GABRG1: variants seen among roughly 807,000 people sequenced by gnomAD.
The protein encoded by GABRG1 is gamma-aminobutyric acid receptor subunit gamma-1.
In GABRG1, 49 loss-of-function variants were observed where a neutral mutation model predicts 49.8. That is an observed-to-expected ratio of 0.98 (90% confidence interval 0.78 to 1.25). The LOEUF (loss-of-function observed/expected upper bound fraction) is 1.25, where lower values mean the gene tolerates loss of function less well. Among genes scored for constraint, GABRG1 ranks in the 50% most tolerant of loss-of-function variants. The probability of loss-of-function intolerance (pLI) is 0.00; values close to 1 mark genes in which losing one functional copy is unlikely to be tolerated. For missense variants in GABRG1, 552 were observed against 552.3 expected (o/e 1.00, Z 0.01); for synonymous variants, 232 against 185.1 (o/e 1.25, Z -2.06).
intron 2 of GABRG1, among the ~76,000 whole-genome samples, chr4:46,096,675 T>A (rs1383830845): frequency 2.0e-5 from 3 of 149,226 alleles, no homozygotes; most frequent in African/African-American, 4.9e-5. Flanking sequence ...CCTAGCAAAA[T>A]AGAAGAGAAG....
Position 46,084,156 on chromosome 4 carries a change from C to A in GABRG1, c.254-103G>T, listed in dbSNP as rs535669934. 1.3e-5 allele frequency: 8 copies of A among 635,116 alleles called. No homozygotes were observed. The African/African-American group carries it at 1.5e-4, about 12-fold the overall frequency. 39.3% of individuals were successfully genotyped at this position (635,116 alleles called of 1,614,324 possible). On this transcript the variant is annotated intron_variant, in intron 2 of 8. Coordinates refer to ENST00000295452, the MANE Select transcript of GABRG1 (RefSeq NM_173536.4). ...CTTAATAACTACTTATATATTAACACTTCAATCATAAAACATCTTTTATTA... is the reference window on the plus strand; with the variant it reads ...CTTAATAACTACTTATATATTAACAATTCAATCATAAAACATCTTTTATTA...
At position 46,048,370 on chromosome 4, in the gene GABRG1, A is replaced by AGAAGGAAGGAAGGAAGGAAG. The variant is rs143416418; in HGVS notation, c.1131+3034_1131+3053dup. The stretch of plus-strand genomic sequence containing the variant: ...GAAAAATTTGGTCATAATGGAATAG[A>AGAAGGAAGGAAGGAAGGAAG]GAAGGAAGGAAGGAAGGAAGGAAGG... On this transcript the variant is annotated intron_variant, in intron 8 of 8. Transcript: ENST00000295452. Among the ~76,000 whole-genome samples the AGAAGGAAGGAAGGAAGGAAG allele has an allele frequency of 1.9e-3, 232 of 121,368 alleles. 4 individuals carry two copies. Among genetic ancestry groups the AGAAGGAAGGAAGGAAGGAAG allele is most frequent in the Admixed American group, 0.015 (166 of 11,312 alleles). 79.6% of individuals were successfully genotyped at this position (121,368 alleles called of 152,430 possible).
intron 5 of GABRG1, among the ~76,000 whole-genome samples, chr4:46,062,483 G>C (rs1343283210): frequency 6.6e-6 from 1 of 152,094 alleles, no homozygotes; most frequent in African/African-American, 2.4e-5. Flanking sequence ...CTAGTTTACT[G>C]TCCCACCAAC....
rs190528539 is a variant in GABRG1, at chr4:46,040,183, T to C, written c.*805A>G. The stretch of plus-strand genomic sequence containing the variant: ...TGCATTTAATTTGCATTAATGTGCA[T>C]TTGCAGATTTTAATATTTCAGTGTT... On this transcript the variant is annotated 3_prime_UTR_variant, in exon 9 of 9. Transcript: ENST00000295452. The C allele has an allele frequency of 1.2e-4, 18 of 152,012 alleles. No homozygotes were observed. In the East Asian group the frequency reaches 3.3e-3, roughly 28 times the overall value. 9.4% of individuals were successfully genotyped at this position (152,012 alleles called of 1,614,324 possible).
intron 3 of GABRG1, among the ~76,000 whole-genome samples, chr4:46,072,847 T>G (rs1413238328): frequency 6.6e-6 from 1 of 152,030 alleles, no homozygotes; most frequent in Non-Finnish European, 1.5e-5. Flanking sequence ...TTTACCTGTT[T>G]TTTAAACCTA....
rs533127485 is a variant in GABRG1 at position 46,097,092 on chromosome 4, T to C, written c.253+109A>G. 5.8e-5 allele frequency: 54 copies of C among 938,684 alleles called. No homozygotes were observed. In the African/African-American group the frequency reaches 7.2e-4, roughly 12 times the overall value. 58.1% of individuals were successfully genotyped at this position (938,684 alleles called of 1,614,324 possible). Reference sequence around the variant, plus strand: ...CCAATAATCTTCAAATTCAGCAGATTCTCTGACATACATCAGACACTCAAG... The same window carrying C: ...CCAATAATCTTCAAATTCAGCAGATCCTCTGACATACATCAGACACTCAAG... On this transcript the variant is annotated intron_variant, in intron 2 of 8. Transcript: ENST00000295452.
chr4:46,056,914 C>T (rs1718473028), intron 7 of GABRG1, among the ~76,000 whole-genome samples: 1 of 152,054 alleles, frequency 6.6e-6, no homozygotes. Context: ...TATGCAAAAA[C>T]GACTTCACAG....
chr4:46,100,300 A>G (rs912405818), intron 1 of GABRG1, among the ~76,000 whole-genome samples: 1 of 151,624 alleles, frequency 6.6e-6, no homozygotes, highest in Non-Finnish European at 1.5e-5. Flanking sequence ...GGAGGGGAGC[A>G]ACACACACTG....
At chr4:46,056,150 TTAAAAAAAAAAAAA>T (rs1312642085) in intron 7 of GABRG1, among the ~76,000 whole-genome samples, 874 of 46,070 alleles carry the variant, frequency 0.019, 190 homozygotes, top group African/African-American at 0.053. Flanking sequence ...AATAAATAAA[TTAAAAAAAAAAAAA>T]AAAAAAAAAA....
intron 3 of GABRG1, among the ~76,000 whole-genome samples, chr4:46,075,652 A>G (rs1341019842): frequency 2.0e-5 from 3 of 152,082 alleles, no homozygotes; most frequent in African/African-American, 7.2e-5. Context: ...TTTATATTCC[A>G]TTTCTTTACC....
intron 5 of GABRG1, 51 bp downstream of exon 5, chr4:46,064,390 C>A (rs757050266): frequency 1.1e-6 from 1 of 950,592 alleles, no homozygotes; most frequent in Non-Finnish European, 1.6e-6. Flanking sequence ...TTTAAATAAA[C>A]AGCTTCTAAG....
chr4:46,038,910 A>G lies in GABRG1; in HGVS notation c.*2078T>C, dbSNP rs1717642685. The stretch of plus-strand genomic sequence containing the variant: ...AAACACCAGTGAGAAAATCAAAGCT[A>G]TTTTTTTTCTTTTACATAGAACGTG... On this transcript the variant is annotated 3_prime_UTR_variant, in exon 9 of 9. Transcript: ENST00000295452. 6.6e-6 allele frequency: 1 copy of G among 151,348 alleles called. No homozygotes were observed. Among genetic ancestry groups the G allele is most frequent in the Non-Finnish European group, 1.5e-5 (1 of 67,586 alleles). 9.4% of individuals were successfully genotyped at this position (151,348 alleles called of 1,614,324 possible).
chr4:46,120,668 A>G (rs1721067110), intron 1 of GABRG1, among the ~76,000 whole-genome samples: 1 of 151,798 alleles, frequency 6.6e-6, no homozygotes, highest in Admixed American at 6.6e-5. Context: ...TTCATTCATT[A>G]CTACCCACAC....
At chr4:46,119,516 G>A (rs1001843802) in intron 1 of GABRG1, among the ~76,000 whole-genome samples, 95 of 151,494 alleles carry the variant, frequency 6.3e-4, no homozygotes, top group Non-Finnish European at 1.2e-3. Context: ...ACAATATCGA[G>A]GCTATATTCT....
rs1560344464 is a variant in GABRG1, at chr4:46,039,727, T to G, written c.*1261A>C. 3 of 151,762 alleles carry G rather than the reference T, an allele frequency of 2.0e-5. No homozygotes were observed. Among genetic ancestry groups the G allele is most frequent in the Admixed American group, 6.6e-5 (1 of 15,160 alleles). The allele number at this position is 151,762 out of a possible 1,614,324, so 9.4% of individuals were successfully genotyped here. A position where few individuals can be genotyped will look rare whatever the true frequency, so the allele number is the denominator to read the frequency against. On this transcript the variant is annotated 3_prime_UTR_variant, in exon 9 of 9. Coordinates refer to ENST00000295452, the MANE Select transcript of GABRG1 (RefSeq NM_173536.4). ...AACAAAAGAGACATTTTTAAAACTA[T>G]TAACTGATAGATTTTACATCCAGTG...
chr4:46,087,830 C>T (rs1203377324), intron 2 of GABRG1, among the ~76,000 whole-genome samples: 7 of 151,826 alleles, frequency 4.6e-5, no homozygotes, highest in Admixed American at 2.6e-4. Flanking sequence ...TGTCAAACAC[C>T]ACTTGACAAT....
chr4:46,119,704 A>G lies in GABRG1; in HGVS notation c.104+4106T>C, dbSNP rs1373378749. Among the ~76,000 whole-genome samples the G allele has an allele frequency of 2.0e-5, 3 of 151,448 alleles. No individual in the cohort carries two copies. The Admixed American group carries it at 2.0e-4, about 10-fold the overall frequency. On this transcript the variant is annotated intron_variant, in intron 1 of 8. Coordinates refer to ENST00000295452, the MANE Select transcript of GABRG1 (RefSeq NM_173536.4). ...TCTTTCAGTATATCTTCAAAAATTTAGGCTCCTCTGTTTATCTTTAGAGTT... is the reference window on the plus strand; with the variant it reads ...TCTTTCAGTATATCTTCAAAAATTTGGGCTCCTCTGTTTATCTTTAGAGTT...
chr4:46,089,508 C>T (rs1719903122), intron 2 of GABRG1, among the ~76,000 whole-genome samples: 1 of 152,100 alleles, frequency 6.6e-6, no homozygotes, highest in Non-Finnish European at 1.5e-5. Flanking sequence ...TTCTTACCAT[C>T]CTCTTACCCC....
intron 1 of GABRG1, among the ~76,000 whole-genome samples, chr4:46,118,150 C>CTATATATATA (rs1720987746): frequency 4.3e-5 from 3 of 69,700 alleles, no homozygotes; most frequent in African/African-American, 6.7e-5. Flanking sequence ...ATATATACAG[C>CTATATATATA]TACAGTATAA....
Sources: gnomAD v4.1 joint callset for allele counts (sites outside exome capture counted in the v4.1 genomes callset) on GRCh38, gnomAD v4.1.1 for gene constraint, MANE v1.5 for transcripts, NCBI Gene and HGNC (gene_info 2026-07-23, HGNC 2026-07-21) for gene names.